The following SLC29A3 variants were observed in gnomAD, a reference collection of about 807,000 sequenced individuals.
SLC29A3 encodes equilibrative nucleoside transporter 3.
SLC29A3 carries 18 observed loss-of-function variants against 25.4 expected under a neutral mutation model. The ratio of observed to expected loss-of-function variants is 0.71; its 90% CI spans 0.49 to 1.05. The LOEUF is 1.05. Ranked by LOEUF, SLC29A3 falls within the 50% of genes least tolerant of loss-of-function variation. The pLI is 0.00. For missense variants in SLC29A3, 586 were observed against 609.0 expected, an observed-to-expected ratio of 0.96 and a Z score of 0.40; for synonymous variants, 258 against 267.1, an observed-to-expected ratio of 0.97 and a Z score of 0.33.
chr10:71,377,885 A>G (rs2131861405), intron 4 of SLC29A3, among the ~76,000 whole-genome samples: 1 of 148,066 alleles, frequency 6.8e-6, no homozygotes, highest in Middle Eastern at 3.6e-3. Flanking sequence ...ATAGGAGTTT[A>G]GACAGATTAA....
chr10:71,355,277 C>G (rs1372709539), intron 4 of SLC29A3, among the ~76,000 whole-genome samples: 1 of 152,190 alleles, frequency 6.6e-6, no homozygotes, highest in Non-Finnish European at 1.5e-5. Flanking sequence ...TGACTCCTAG[C>G]CCCGTTGGCA....
At chr10:71,350,020 T>G (rs1048287858) in intron 3 of SLC29A3, among the ~76,000 whole-genome samples, 1 of 152,182 alleles carries the variant, frequency 6.6e-6, no homozygotes. Flanking sequence ...CACACAGTAG[T>G]TGCTCAATGC....
rs139727653 is a variant in SLC29A3 at position 71,369,439 on chromosome 10, CAT to C, written c.*95-6255_*95-6254del. Among the ~76,000 whole-genome samples the C allele has an allele frequency of 7.7e-3, 1,166 of 152,218 alleles. 12 individuals carry two copies. The highest frequency in any genetic ancestry group is 0.025 in the African/African-American group (1,024 of 41,502). ...AGTGTGGCTTGGCTTCTCCTAATAA[CAT>C]GTGAGAAAAGAGAAATGACTTAAAT... On this transcript the variant is annotated intron_variant and NMD_transcript_variant, in intron 3 of 4. Transcript: ENST00000642772.
At chr10:71,369,952 G>A (rs546093836) in intron 3 of SLC29A3, among the ~76,000 whole-genome samples, 2 of 152,264 alleles carry the variant, frequency 1.3e-5, no homozygotes, top group East Asian at 1.9e-4. Context: ...ATCTGAGGAC[G>A]CCCAGAGCAC....
At chr10:71,353,142 G>A (rs1846807899) in intron 4 of SLC29A3, among the ~76,000 whole-genome samples, 1 of 152,206 alleles carries the variant, frequency 6.6e-6, no homozygotes. Flanking sequence ...CGCAGCACTT[G>A]AGGCAGTTAC....
rs1378001611 is a variant in SLC29A3, at chr10:71,325,771, C to G, written c.300+2717C>G. Among the ~76,000 whole-genome samples the G allele has an allele frequency of 2.0e-5, 3 of 152,262 alleles. No individual in the cohort carries two copies. In the East Asian group the frequency reaches 5.8e-4, roughly 29 times the overall value. On this transcript the variant is annotated intron_variant, in intron 2 of 5. Transcript: ENST00000373189. ...GCTTGTTAGTGATGCAGTCTCCCAC[C>G]CACTCGAGGCCAATTGAGACAGGGC...
In SLC29A3 at chr10:71,322,742, C is replaced by T. The variant is rs1845876614; in HGVS notation, c.2-14C>T. On this transcript the variant is annotated splice_polypyrimidine_tract_variant and intron_variant, in intron 1 of 5. Coordinates refer to ENST00000373189, the MANE Select transcript of SLC29A3 (RefSeq NM_018344.6). ...TCACCTACCCTGTCTCTGTTGCCCTCCTTGCTCCAATAGTGGCCGTTGTCT... is the reference window on the plus strand; with the variant it reads ...TCACCTACCCTGTCTCTGTTGCCCTTCTTGCTCCAATAGTGGCCGTTGTCT... The T allele has an allele frequency of 1.9e-6, 3 of 1,613,878 alleles. No homozygotes were observed. The highest frequency in any genetic ancestry group is 1.7e-5 in the Admixed American group (1 of 60,010).
At chr10:71,342,269 T>C (rs759731656) in intron 2 of SLC29A3, among the ~76,000 whole-genome samples, 1 of 152,222 alleles carries the variant, frequency 6.6e-6, no homozygotes, top group Non-Finnish European at 1.5e-5. Context: ...TTCTGTGGGA[T>C]GTGCTGAGTC....
At chr10:71,329,625 C>T (rs1846074250) in intron 2 of SLC29A3, among the ~76,000 whole-genome samples, 1 of 152,156 alleles carries the variant, frequency 6.6e-6, no homozygotes, top group Admixed American at 6.5e-5. Context: ...TCGCGTGTGC[C>T]TGTAGTTCCA....
rs577557472 is a variant in SLC29A3 at position 71,362,717 on chromosome 10, A to G, written c.*109A>G. ...GGCCTAAAGTTTCACTTGGGGACAG[A>G]GAGCAGAGCACACTCGGGCCTCATC... is the stretch of plus-strand genomic sequence containing the variant. On this transcript the variant is annotated 3_prime_UTR_variant, in exon 6 of 6. Transcript: ENST00000373189. 1.5e-5 allele frequency: 22 copies of G among 1,444,128 alleles called. No individual in the cohort carries two copies. The highest frequency in any genetic ancestry group is 1.9e-5 in the Non-Finnish European group (20 of 1,043,630). 89.5% of individuals were successfully genotyped at this position (1,444,128 alleles called of 1,614,324 possible). A position where few individuals can be genotyped will look rare whatever the true frequency, so the allele number is the denominator to read the frequency against.
intron 3 of SLC29A3, among the ~76,000 whole-genome samples, chr10:71,371,113 A>G (rs900180212): frequency 4.6e-5 from 7 of 152,110 alleles, no homozygotes. Context: ...TTTGAAATGT[A>G]TGATAGATTA....
At chr10:71,351,314 C>T (rs1026955781) in intron 3 of SLC29A3, among the ~76,000 whole-genome samples, 1 of 152,232 alleles carries the variant, frequency 6.6e-6, no homozygotes, top group East Asian at 1.9e-4. Context: ...AGCCTCACCC[C>T]CCTGTGAGTT....
intron 5 of SLC29A3, among the ~76,000 whole-genome samples, chr10:71,359,793 AG>A (rs750599234): frequency 8.1e-4 from 123 of 152,204 alleles, no homozygotes; most frequent in Admixed American, 3.3e-4. Context: ...ACCAGAACCA[AG>A]TTACTGCTTA....
At chr10:71,321,193 C>T (rs1845838700) in intron 1 of SLC29A3, among the ~76,000 whole-genome samples, 1 of 152,148 alleles carries the variant, frequency 6.6e-6, no homozygotes, top group African/African-American at 2.4e-5. Context: ...CCTTCCAGAC[C>T]TCAGTTTTTC....
Position 71,351,712 on chromosome 10 carries a change from C to G in SLC29A3, c.534C>G (p.Ala178=), listed in dbSNP as rs1488367046. ...TCTGCATGGTGATCCTCAGCGGTGC[C>G]TCCACTGTCTTCAGCAGCAGCATCT... ...TIVCMVILSG[A]STVFSSSIYG... The change falls in exon 4 of 6, where the codon GCC becomes GCG. Residue 178 remains alanine (A), a synonymous_variant. Transcript: ENST00000373189. 12 of 1,614,056 alleles carry G rather than the reference C, an allele frequency of 7.4e-6. No individual in the cohort carries two copies. Among genetic ancestry groups the G allele is most frequent in the South Asian group, 4.4e-5 (4 of 91,088 alleles).
chr10:71,360,388 C>A (rs1013346945), intron 5 of SLC29A3, among the ~76,000 whole-genome samples: 1 of 152,086 alleles, frequency 6.6e-6, no homozygotes, highest in Non-Finnish European at 1.5e-5. Context: ...AGTGACCCGC[C>A]CGCCTTGGCC....
chr10:71,321,282 A>G (rs1845840762), intron 1 of SLC29A3, among the ~76,000 whole-genome samples: 1 of 152,134 alleles, frequency 6.6e-6, no homozygotes, highest in Non-Finnish European at 1.5e-5. Context: ...AATAGTGGAT[A>G]AGGTTCTGCA....
intron 2 of SLC29A3, among the ~76,000 whole-genome samples, chr10:71,341,708 G>A (rs981856191): frequency 3.3e-5 from 5 of 152,186 alleles, no homozygotes; most frequent in Admixed American, 2.0e-4. Flanking sequence ...GGGTTTCTGT[G>A]GGCCAGAAGT....
intron 3 of SLC29A3, among the ~76,000 whole-genome samples, chr10:71,372,304 A>C (rs907682535): frequency 6.6e-6 from 1 of 152,220 alleles, no homozygotes; most frequent in African/African-American, 2.4e-5. Flanking sequence ...TATTATCCCC[A>C]TTTTATATGT....
Sources: gnomAD v4.1 joint callset for allele counts (sites outside exome capture counted in the v4.1 genomes callset) on GRCh38, gnomAD v4.1.1 for gene constraint, MANE v1.5 for transcripts, NCBI Gene and HGNC (gene_info 2026-07-23, HGNC 2026-07-21) for gene names.